Variants in PHF2 observed in about 807,000 individuals in gnomAD.
PHF2 encodes the protein PHD finger protein 2, also known as lysine-specific demethylase PHF2.
PHF2 carries 27 observed loss-of-function variants against 120.5 expected under a neutral mutation model. The ratio of observed to expected loss-of-function variants is 0.22; its 90% confidence interval spans 0.17 to 0.31. PHF2 has a LOEUF of 0.31. Ranked by LOEUF, PHF2 falls within the 10% of genes least tolerant of loss-of-function variation. PHF2 has a pLI of 1.00. For synonymous variants in PHF2, 568 were observed against 592.5 expected (o/e 0.96, Z 0.60); for missense variants, 1,024 against 1,434.8 (o/e 0.71, Z 4.63).
rs868709093 is a variant in PHF2 at position 93,654,678 on chromosome 9, G to A, written c.952+103G>A. 56 of 1,054,502 alleles carry A rather than the reference G, an allele frequency of 5.3e-5. 2 individuals carry two copies. In the South Asian group the frequency reaches 5.9e-4, roughly 11 times the overall value. The allele number at this position is 1,054,502 out of a possible 1,614,324, so 65.3% of individuals were successfully genotyped here. A position where few individuals can be genotyped will look rare whatever the true frequency, so the allele number is the denominator to read the frequency against. On this transcript the variant is annotated intron_variant, in intron 7 of 21. Coordinates refer to ENST00000359246, the MANE Select transcript of PHF2 (RefSeq NM_005392.4). ...CGTGTCCCCACCATGGGGTCTCTTC[G>A]GCATCCCTGGCATGCCTGCTCCCTT...
In PHF2 at chr9:93,679,558, A is replaced by C; in HGVS notation, c.*1882A>C. ...GGCAACTTAGATCAAAGTTTTAAAA[A>C]AGTAAAAATATTTCAGGTTTTGTAC... On this transcript the variant is annotated 3_prime_UTR_variant, in exon 22 of 22. Transcript: ENST00000359246. The C allele has an allele frequency of 4.4e-6, 1 of 229,644 alleles. No homozygotes were observed. The highest frequency in any genetic ancestry group is 4.9e-5 in the South Asian group (1 of 20,432). The allele number at this position is 229,644 out of a possible 1,614,324, so 14.2% of individuals were successfully genotyped here.
chr9:93,610,080 T>G (rs371940945), intron 1 of PHF2, among the ~76,000 whole-genome samples: 1 of 142,714 alleles, frequency 7.0e-6, no homozygotes, highest in Non-Finnish European at 1.6e-5. Context: ...GATTTTTTTT[T>G]GCGGGGAGGC....
chr9:93,675,588 C>A, intron 19 of PHF2, 92 bp from the exon 20 acceptor site: 1 of 949,178 alleles, frequency 1.1e-6, no homozygotes, highest in Non-Finnish European at 1.6e-6. Flanking sequence ...GCCAGGGGGA[C>A]AGGCTGGGGT....
intron 1 of PHF2, among the ~76,000 whole-genome samples, chr9:93,595,685 C>T (rs1008724006): frequency 3.9e-5 from 6 of 152,204 alleles, no homozygotes; most frequent in African/African-American, 1.2e-4. Flanking sequence ...GTGCATGCGC[C>T]CACTGGGCAT....
intron 5 of PHF2, among the ~76,000 whole-genome samples, chr9:93,649,619 G>A (rs138671502): frequency 6.6e-6 from 1 of 151,742 alleles, no homozygotes; most frequent in East Asian, 1.9e-4. Context: ...ACCCACTTCC[G>A]GACACACAAC....
rs74541871 is a variant in PHF2, at chr9:93,656,797, C to T, written c.1147+202C>T. On this transcript the variant is annotated intron_variant, in intron 9 of 21. Transcript: ENST00000359246. This position sits in a 1 kb window ranked among gnomAD's most constrained non-coding sequence, Gnocchi z 4.1. The stretch of plus-strand genomic sequence containing the variant: ...ATTGAACAGGCTGGGCCTCTCCTTC[C>T]GATTGGACTGTCCCTTGTTTTAGAA... Among the ~76,000 whole-genome samples, 2,635 of 152,270 alleles carry T rather than the reference C, an allele frequency of 0.017. 57 individuals are homozygous for T. The highest frequency in any genetic ancestry group is 0.057 in the African/African-American group (2,362 of 41,564).
chr9:93,635,674 G>C (rs914869909), intron 2 of PHF2, among the ~76,000 whole-genome samples: 1 of 151,048 alleles, frequency 6.6e-6, no homozygotes, highest in African/African-American at 2.5e-5. Flanking sequence ...CAGTAGGGGT[G>C]TGTGCATGTA....
chr9:93,577,436 C>G (rs1365920717), intron 1 of PHF2, among the ~76,000 whole-genome samples: 1 of 152,014 alleles, frequency 6.6e-6, no homozygotes, highest in African/African-American at 2.4e-5. Flanking sequence ...GCCGGCGCGC[C>G]CACCCTCCGC....
intron 17 of PHF2, among the ~76,000 whole-genome samples, chr9:93,668,887 A>G (rs568204093): frequency 6.6e-6 from 1 of 152,202 alleles, no homozygotes; most frequent in East Asian, 1.9e-4. Flanking sequence ...TTTGGAGCGT[A>G]GGTCAGTTTT....
chr9:93,673,269 C>T (rs1396860676), intron 17 of PHF2, among the ~76,000 whole-genome samples: 1 of 151,860 alleles, frequency 6.6e-6, no homozygotes, highest in East Asian at 1.9e-4. Context: ...GAGACCAGTG[C>T]GTGACCATAT....
intron 10 of PHF2, among the ~76,000 whole-genome samples, chr9:93,658,650 A>G (rs1244825863): frequency 6.6e-6 from 1 of 152,010 alleles, no homozygotes; most frequent in African/African-American, 2.4e-5. Context: ...TGGTGGGGGC[A>G]GGGAAGGACT....
Position 93,656,526 on chromosome 9 carries a change from C to T in PHF2, c.1078C>T (p.Leu360=), listed in dbSNP as rs150964160. 376 of 1,613,762 alleles carry T rather than the reference C, an allele frequency of 2.3e-4. No individual in the cohort carries two copies. Among genetic ancestry groups the T allele is most frequent in the Middle Eastern group, 4.9e-4 (3 of 6,084 alleles). The change falls in exon 9 of 22, where the codon CTG becomes TTG. Residue 360 remains leucine, a synonymous_variant. Coordinates refer to ENST00000359246, the MANE Select transcript of PHF2 (RefSeq NM_005392.4). This position sits in a 1 kb window ranked among gnomAD's most constrained non-coding sequence, Gnocchi z 4.1. ...EVERRLKLGS[L]TQFPNFETAC... is the part of the protein sequence containing the mutation. ...GGAAAGGAGGTTGAAACTGGGCAGC[C>T]TGACTCAGTTTCCCAACTTTGAAAC...
intron 1 of PHF2, among the ~76,000 whole-genome samples, chr9:93,607,078 C>T (rs1240698252): frequency 5.9e-5 from 9 of 152,150 alleles, no homozygotes; most frequent in South Asian, 2.1e-4. Context: ...CATTCTTTCA[C>T]GAACACCACA....
intron 1 of PHF2, among the ~76,000 whole-genome samples, chr9:93,616,665 T>C (rs1289278998): frequency 1.4e-5 from 2 of 146,734 alleles, no homozygotes; most frequent in African/African-American, 5.0e-5. Flanking sequence ...TTTTTTTTTT[T>C]CTGAAACAGA....
At chr9:93,576,966 G>T in intron 1 of PHF2, 95 bp downstream of exon 1, 5 of 419,100 alleles carry the variant, frequency 1.2e-5, no homozygotes, top group South Asian at 9.2e-5. Flanking sequence ...CGCAGGCCCG[G>T]CTCGGGGACG....
intron 1 of PHF2, among the ~76,000 whole-genome samples, chr9:93,580,539 A>G (rs1862913395): frequency 6.6e-6 from 1 of 152,122 alleles, no homozygotes; most frequent in Admixed American, 6.5e-5. Flanking sequence ...TTTGTCACCA[A>G]CTTACTTTGA....
intron 1 of PHF2, among the ~76,000 whole-genome samples, chr9:93,595,903 C>T (rs1825322599): frequency 1.3e-5 from 2 of 152,206 alleles, no homozygotes; most frequent in Non-Finnish European, 2.9e-5. Context: ...TAGTTTTACT[C>T]CTGTCTCACA....
chr9:93,611,067 A>G lies in PHF2; in HGVS notation c.99-18903A>G, dbSNP rs1825625009. ...GCAACTTTCTCTGGAAGTTCTGTAC[A>G]TGTCATCCCTTTTTTTGACTTGCAT... On this transcript the variant is annotated intron_variant, in intron 1 of 21. Coordinates refer to ENST00000359246, the MANE Select transcript of PHF2 (RefSeq NM_005392.4). Among the ~76,000 whole-genome samples, 3 of 152,184 alleles carry G rather than the reference A, an allele frequency of 2.0e-5. No homozygotes were observed. The South Asian group carries it at 6.2e-4, about 32-fold the overall frequency.
intron 1 of PHF2, among the ~76,000 whole-genome samples, chr9:93,609,217 A>G (rs988182684): frequency 1.3e-5 from 2 of 151,904 alleles, no homozygotes; most frequent in Admixed American, 6.6e-5. Flanking sequence ...ACCTTGAAAT[A>G]TTATTGTTAT....
Sources: allele counts gnomAD v4.1 joint callset (sites outside exome capture counted in the v4.1 genomes callset), GRCh38; gene constraint gnomAD v4.1.1; non-coding constraint Gnocchi (gnomAD v3.1); transcripts MANE v1.5; gene names NCBI Gene and HGNC (gene_info 2026-07-23, HGNC 2026-07-21).